ATR: variants seen among roughly 807,000 people sequenced by gnomAD.
ATR encodes serine/threonine-protein kinase ATR.
ATR carries 142 observed loss-of-function variants against 305.3 expected under a neutral mutation model. That is an observed-to-expected ratio of 0.47 (90% CI 0.41 to 0.53). ATR has a LOEUF of 0.53. Ranked by LOEUF, ATR falls within the 20% of genes least tolerant of loss-of-function variation. The probability of loss-of-function intolerance (pLI) is 0.00; values close to 1 mark genes in which losing one functional copy is unlikely to be tolerated. For synonymous variants in ATR, 1,050 were observed against 1,068.1 expected, an observed-to-expected ratio of 0.98 and a Z score of 0.33; for missense variants, 2,135 against 3,133.1, an observed-to-expected ratio of 0.68 and a Z score of 7.60.
intron 26 of ATR, among the ~76,000 whole-genome samples, chr3:142,513,157 C>T (rs2032663574): frequency 2.6e-5 from 4 of 151,964 alleles, no homozygotes; most frequent in Admixed American, 2.6e-4. Context: ...TTAGATGAGG[C>T]ATCACATAAA....
chr3:142,451,092 C>G (rs1296325903), intron 46 of ATR: 1 of 1,277,534 alleles, frequency 7.8e-7, no homozygotes, highest in African/African-American at 1.5e-5. Flanking sequence ...TCTACCTGGT[C>G]AATTGTGAAA....
intron 21 of ATR, among the ~76,000 whole-genome samples, chr3:142,528,872 TATATA>T (rs1431928438): frequency 7.1e-5 from 5 of 70,820 alleles, no homozygotes; most frequent in Non-Finnish European, 1.0e-4. Context: ...TATATATATA[TATATA>T]TATTTTTTTT....
At chr3:142,534,992 C>A (rs1418455456) in intron 21 of ATR, 88 bp downstream of exon 21, 19 of 1,429,596 alleles carry the variant, frequency 1.3e-5, no homozygotes, top group Non-Finnish European at 1.6e-5. Flanking sequence ...TTCACTAAAT[C>A]TCAAACAAAA....
intron 36 of ATR, among the ~76,000 whole-genome samples, chr3:142,473,547 CTT>C (rs761452998): frequency 1.5e-4 from 20 of 137,744 alleles, no homozygotes; most frequent in African/African-American, 1.1e-4. Context: ...CAGCTTTATT[CTT>C]TTTTTTTTTT....
chr3:142,519,344 C>T (rs1410218984), intron 24 of ATR, among the ~76,000 whole-genome samples: 3 of 151,676 alleles, frequency 2.0e-5, no homozygotes, highest in Non-Finnish European at 4.4e-5. Context: ...CTCTGTCACC[C>T]AGGCTGTAGT....
In ATR at chr3:142,563,118, TAAAC is replaced by T. The variant is rs977966828; in HGVS notation, c.293-13_293-10del. 6.3e-7 allele frequency: 1 copy of T among 1,596,910 alleles called. No individual in the cohort carries two copies. Among genetic ancestry groups the T allele is most frequent in the Non-Finnish European group, 8.5e-7 (1 of 1,174,494 alleles). On this transcript the variant is annotated splice_polypyrimidine_tract_variant and intron_variant, in intron 3 of 46. Transcript: ENST00000350721. ...GATCCAATTACTGAATTCTTTGAAA[TAAAC>T]AAAAAAGATATTAAATAAACAAGTA...
rs903769125 is a variant in ATR, at chr3:142,515,261, C to T, written c.4503+134G>A. ...GAAATTATTATTCTCTATTAGTTAACATTTTCTTCAAAAATTTCTATGATT... is the reference window on the plus strand; with the variant it reads ...GAAATTATTATTCTCTATTAGTTAATATTTTCTTCAAAAATTTCTATGATT... On this transcript the variant is annotated intron_variant, in intron 25 of 46. Coordinates refer to ENST00000350721, the MANE Select transcript of ATR (RefSeq NM_001184.4). 6.5e-6 allele frequency: 8 copies of T among 1,221,888 alleles called. No homozygotes were observed. The African/African-American group carries it at 7.7e-5, about 12-fold the overall frequency. 75.7% of individuals were successfully genotyped at this position (1,221,888 alleles called of 1,614,324 possible).
At chr3:142,463,951 C>T (rs946241814) in intron 41 of ATR, among the ~76,000 whole-genome samples, 2 of 151,896 alleles carry the variant, frequency 1.3e-5, no homozygotes, top group Non-Finnish European at 2.9e-5. Context: ...CAATTTTTAC[C>T]AATGGAAAAA....
At chr3:142,499,939 A>G (rs1008366914) in intron 30 of ATR, 12 of 447,148 alleles carry the variant, frequency 2.7e-5, no homozygotes, top group Non-Finnish European at 4.4e-5. Flanking sequence ...CTTCTGATAC[A>G]CCATTTAAAA....
Position 142,524,152 on chromosome 3 carries a change from A to G in ATR, c.3993T>C (p.Ile1331=), listed in dbSNP as rs2108399732. The change falls in exon 22 of 47, where the codon ATT becomes ATC. Residue 1331 remains isoleucine, a synonymous_variant. Coordinates refer to ENST00000350721, the MANE Select transcript of ATR (RefSeq NM_001184.4). ...AAAGCACTGTCACCAACTGTGAGAT[A>G]ATAGGTTCTACTGTTTCACTGTCTG... ...YATDSETVEP[I]ISQLVTVLLK... 6.2e-7 allele frequency: 1 copy of G among 1,614,082 alleles called. No homozygotes were observed. The highest frequency in any genetic ancestry group is 8.5e-7 in the Non-Finnish European group (1 of 1,179,948).
In ATR at chr3:142,558,728, A is replaced by C; in HGVS notation, c.1781T>G (p.Leu594Arg). ...DHILEDLCGM[L>R]SLPWIYSHSD... Reference sequence around the variant, plus strand: ...ATGGGAATAAATCCATGGAAGTGAGAGCATACCACATAAATCTTCCAGGAT... The same window carrying C: ...ATGGGAATAAATCCATGGAAGTGAGCGCATACCACATAAATCTTCCAGGAT... Residue 594 changes from leucine (L) to arginine (R), a missense_variant, in exon 8 of 47, where the codon CTC (leucine) becomes CGC (arginine). Physicochemically the swap from Leu to Arg is moderately radical, Grantham distance 102. Coordinates refer to ENST00000350721, the MANE Select transcript of ATR (RefSeq NM_001184.4). The C allele has an allele frequency of 6.2e-7, 1 of 1,612,436 alleles. No homozygotes were observed. Among genetic ancestry groups the C allele is most frequent in the Non-Finnish European group, 8.5e-7 (1 of 1,178,816 alleles).
intron 1 of ATR, among the ~76,000 whole-genome samples, chr3:142,569,264 C>T (rs551443556): frequency 4.3e-4 from 66 of 152,320 alleles, no homozygotes; most frequent in Admixed American, 1.0e-3. Context: ...ACAAGGGTTC[C>T]AATTTCTCCA....
intron 13 of ATR, among the ~76,000 whole-genome samples, chr3:142,551,185 G>A (rs2034459396): frequency 6.6e-6 from 1 of 152,196 alleles, no homozygotes; most frequent in South Asian, 2.1e-4. Context: ...GCAGAAGTGG[G>A]AGGATCATTT....
Position 142,561,313 on chromosome 3 carries a change from T to C in ATR, c.1279A>G (p.Ile427Val), listed in dbSNP as rs750609381. ...QENLSSNSDG[I>V]SPKRRRLSSS... ...CTGAGACGACGCCTTTTGGGTGATA[T>C]TCCATCACTATTACTGCTGAGGTTT... The change falls in exon 5 of 47, where the codon ATA (isoleucine) becomes GTA (valine). Residue 427 changes from isoleucine (I) to valine (V), a missense_variant. Around this residue, in one of 9 missense-constraint regions of ATR, gnomAD observed 744 missense variants for 873.2 expected, o/e 0.85. Transcript: ENST00000350721. 6.2e-7 allele frequency: 1 copy of C among 1,613,996 alleles called. No individual in the cohort carries two copies. Among genetic ancestry groups the C allele is most frequent in the African/African-American group, 1.3e-5 (1 of 74,940 alleles).
chr3:142,513,397 C>G (rs1269217072), intron 26 of ATR, 104 bp downstream of exon 26: 7 of 1,349,780 alleles, frequency 5.2e-6, no homozygotes, highest in Non-Finnish European at 5.3e-6. Flanking sequence ...CATAGCCATA[C>G]ATAGGTCTAC....
chr3:142,528,944 C>T (rs1462626858), intron 21 of ATR, among the ~76,000 whole-genome samples: 8 of 124,448 alleles, frequency 6.4e-5, no homozygotes, highest in Non-Finnish European at 1.1e-4. Context: ...AGTGCAGTGG[C>T]GCAATCTCGG....
At chr3:142,501,878 G>A (rs1451270562) in intron 30 of ATR, among the ~76,000 whole-genome samples, 1 of 152,118 alleles carries the variant, frequency 6.6e-6, no homozygotes, top group African/African-American at 2.4e-5. Flanking sequence ...CCGAGTAGCT[G>A]GGATTACAGA....
At chr3:142,554,041 T>C in intron 10 of ATR, 26 bp from the exon 11 acceptor site, 1 of 1,532,390 alleles carries the variant, frequency 6.5e-7, no homozygotes, top group Non-Finnish European at 8.9e-7. Context: ...ATACAATACC[T>C]AATTTAACAT....
At chr3:142,521,023 T>C (rs1002375952) in intron 23 of ATR, among the ~76,000 whole-genome samples, 3 of 152,212 alleles carry the variant, frequency 2.0e-5, no homozygotes, top group East Asian at 1.9e-4. Context: ...CCAATGCTCA[T>C]TGACGATTCC....
Sources: allele counts gnomAD v4.1 joint callset (sites outside exome capture counted in the v4.1 genomes callset), GRCh38; gene constraint gnomAD v4.1.1; regional missense constraint gnomAD v4.1.1; transcripts MANE v1.5; gene names NCBI Gene and HGNC (gene_info 2026-07-23, HGNC 2026-07-21).